Variants in CCDC171 observed in about 807,000 individuals in gnomAD.
The protein encoded by CCDC171 is coiled-coil domain containing 171.
A neutral mutation model predicts 168.2 loss-of-function variants in CCDC171; 177 were observed. That is an observed-to-expected ratio of 1.05 (90% CI 0.93 to 1.19). CCDC171 has a LOEUF of 1.19. Ranked by LOEUF, CCDC171 falls within the 50% of genes most tolerant of loss-of-function variation. CCDC171 has a pLI of 0.00. For synonymous variants in CCDC171, 687 were observed against 540.8 expected (o/e 1.27, Z -3.75); for missense variants, 1,991 against 1,539.0 (o/e 1.29, Z -4.91).
At chr9:15,913,417 C>G (rs1211113516) in intron 24 of CCDC171, among the ~76,000 whole-genome samples, 1 of 152,080 alleles carries the variant, frequency 6.6e-6, no homozygotes, top group Non-Finnish European at 1.5e-5. Context: ...ATTCTTGTCT[C>G]TTTTCTTCTT....
At chr9:15,769,819 A>T (rs1226701897) in intron 18 of CCDC171, among the ~76,000 whole-genome samples, 1 of 152,202 alleles carries the variant, frequency 6.6e-6, no homozygotes, top group African/African-American at 2.4e-5. Flanking sequence ...CTAAATACGA[A>T]ATTCTCTGTT....
At chr9:15,933,654 G>A (rs185248696) in intron 25 of CCDC171, among the ~76,000 whole-genome samples, 85 of 151,910 alleles carry the variant, frequency 5.6e-4, no homozygotes, top group African/African-American at 1.9e-3. Context: ...AATGGCTTTT[G>A]CTGTGTCTCA....
intron 21 of CCDC171, among the ~76,000 whole-genome samples, chr9:15,810,846 T>C (rs2059322144): frequency 6.6e-6 from 1 of 152,132 alleles, no homozygotes; most frequent in African/African-American, 2.4e-5. Context: ...AGAGAGGGGC[T>C]CCCACAGTGC....
At chr9:15,708,135 A>T (rs1031013582) in intron 11 of CCDC171, among the ~76,000 whole-genome samples, 24 of 152,244 alleles carry the variant, frequency 1.6e-4, no homozygotes, top group African/African-American at 4.6e-4. Context: ...GGCATGAGCC[A>T]CTGCACCCCC....
In CCDC171 at chr9:15,590,914, T is replaced by G. The variant is rs558041726; in HGVS notation, c.353-452T>G. Among the ~76,000 whole-genome samples the G allele has an allele frequency of 2.6e-5, 4 of 151,534 alleles. No homozygotes were observed. In the South Asian group the frequency reaches 8.4e-4, roughly 32 times the overall value. On this transcript the variant is annotated intron_variant, in intron 4 of 25. Coordinates refer to ENST00000380701, the MANE Select transcript of CCDC171 (RefSeq NM_173550.4). ...TTTTAAATCTGAGAGGAGGTCTCCC[T>G]ATGTTGTTCAGGCTGGTCTTGAACT...
intron 2 of CCDC171, among the ~76,000 whole-genome samples, chr9:15,565,315 A>G (rs566662154): frequency 1.5e-4 from 23 of 151,966 alleles, no homozygotes; most frequent in Middle Eastern, 3.4e-3. Flanking sequence ...TGCTTTTTCA[A>G]TTTTGGGGAA....
chr9:15,813,411 C>G lies in CCDC171; in HGVS notation c.3267+28717C>G, dbSNP rs561407053. On this transcript the variant is annotated intron_variant, in intron 21 of 25. Transcript: ENST00000380701. ...ACCATCTATTTTGGAATTTATGTGA[C>G]CAAAACTCTGGACATTATCATGTTT... is the stretch of plus-strand genomic sequence containing the variant. 2.0e-5 allele frequency among the ~76,000 whole-genome samples: 3 copies of G among 152,226 alleles called. No homozygotes were observed. The South Asian group carries it at 6.2e-4, about 32-fold the overall frequency.
In CCDC171 at chr9:15,815,918, T is replaced by C. The variant is rs950874953; in HGVS notation, c.3268-30784T>C. Among the ~76,000 whole-genome samples the C allele has an allele frequency of 6.8e-5, 8 of 117,410 alleles. 3 individuals carry two copies. 77.0% of individuals were successfully genotyped at this position (117,410 alleles called of 152,430 possible). On this transcript the variant is annotated intron_variant, in intron 21 of 25. Coordinates refer to ENST00000380701, the MANE Select transcript of CCDC171 (RefSeq NM_173550.4). ...ATATTTCAAGGTCAGAGAAAAAGAA[T>C]TAAGAAAACAATAGCTCTCAGACCA... is the stretch of plus-strand genomic sequence containing the variant.
intron 7 of CCDC171, among the ~76,000 whole-genome samples, chr9:15,642,300 C>G (rs1587676368): frequency 7.4e-6 from 1 of 134,628 alleles, no homozygotes; most frequent in African/African-American, 2.8e-5. Context: ...TATATATATA[C>G]ACATATGTAT....
chr9:15,653,152 A>AT (rs1212418484), intron 7 of CCDC171, among the ~76,000 whole-genome samples: 1 of 152,000 alleles, frequency 6.6e-6, no homozygotes, highest in African/African-American at 2.4e-5. Flanking sequence ...ATACCTATAT[A>AT]TTTTTAGCTG....
At chr9:15,668,612 A>T (rs2048894255) in intron 9 of CCDC171, among the ~76,000 whole-genome samples, 1 of 152,140 alleles carries the variant, frequency 6.6e-6, no homozygotes. Context: ...TAATCACTGA[A>T]AATTTCTGTG....
At chr9:15,638,900 A>T (rs2046392451) in intron 7 of CCDC171, among the ~76,000 whole-genome samples, 1 of 152,016 alleles carries the variant, frequency 6.6e-6, no homozygotes. Context: ...GTTTATTATC[A>T]TGGGAAATAA....
intron 4 of CCDC171, among the ~76,000 whole-genome samples, chr9:15,585,021 A>G (rs1370162896): frequency 6.6e-6 from 1 of 152,188 alleles, no homozygotes; most frequent in African/African-American, 2.4e-5. Context: ...TGTCAGGGAA[A>G]TGCAAATGAA....
At chr9:15,600,005 CT>C (rs1187041598) in intron 6 of CCDC171, among the ~76,000 whole-genome samples, 2 of 151,870 alleles carry the variant, frequency 1.3e-5, no homozygotes, top group Non-Finnish European at 2.9e-5. Flanking sequence ...CCGTCAGGTC[CT>C]TTAAGGACTT....
At chr9:15,726,255 G>A (rs1032405136) in intron 14 of CCDC171, among the ~76,000 whole-genome samples, 4 of 152,148 alleles carry the variant, frequency 2.6e-5, no homozygotes, top group African/African-American at 4.8e-5. Context: ...TGTCTACAGC[G>A]CTGTGGTTGG....
chr9:16,031,742 G>A (rs1467801916), intron 6 of CCDC171, among the ~76,000 whole-genome samples: 3 of 152,164 alleles, frequency 2.0e-5, no homozygotes, highest in African/African-American at 4.8e-5. Flanking sequence ...GGGGTCGATA[G>A]GATTCCCTGG....
At chr9:15,767,123 C>T (rs2056765695) in intron 18 of CCDC171, among the ~76,000 whole-genome samples, 1 of 152,100 alleles carries the variant, frequency 6.6e-6, no homozygotes, top group Non-Finnish European at 1.5e-5. Context: ...ATATCAGGTT[C>T]CTGTTATTGG....
chr9:15,916,066 G>A (rs753440609), intron 24 of CCDC171, among the ~76,000 whole-genome samples: 24 of 151,630 alleles, frequency 1.6e-4, no homozygotes, highest in Admixed American at 3.9e-4. Context: ...TCTTCCTTAG[G>A]AATGACATAA....
At chr9:15,792,223 GT>G (rs1411633667) in intron 21 of CCDC171, among the ~76,000 whole-genome samples, 2 of 152,208 alleles carry the variant, frequency 1.3e-5, no homozygotes, top group Non-Finnish European at 2.9e-5. Context: ...AAGGGTATCA[GT>G]GATTGAAGAT....
Sources: gnomAD v4.1 joint callset for allele counts (sites outside exome capture counted in the v4.1 genomes callset) on GRCh38, gnomAD v4.1.1 for gene constraint, MANE v1.5 for transcripts, NCBI Gene and HGNC (gene_info 2026-07-23, HGNC 2026-07-21) for gene names.